CSMD1: variants seen among roughly 807,000 people sequenced by gnomAD.
CSMD1 encodes the protein CUB and sushi domain-containing protein 1.
A neutral mutation model predicts 417.5 loss-of-function variants in CSMD1; 213 were observed. The observed-to-expected ratio is 0.51, with a 90% CI of 0.46 to 0.57. The LOEUF is 0.57. Among genes scored for constraint, CSMD1 ranks in the 20% least tolerant of loss-of-function variants. The pLI, the probability that CSMD1 is intolerant of heterozygous loss-of-function variation, is 0.00. For synonymous variants in CSMD1, 2,862 were observed against 1,736.8 expected, an observed-to-expected ratio of 1.65 and a Z score of -16.11; for missense variants, 6,923 against 4,529.7, an observed-to-expected ratio of 1.53 and a Z score of -15.17.
intron 3 of CSMD1, among the ~76,000 whole-genome samples, chr8:4,345,311 A>G (rs1800718410): frequency 6.6e-6 from 1 of 152,176 alleles, no homozygotes; most frequent in Non-Finnish European, 1.5e-5. Flanking sequence ...ACACCCTAGA[A>G]GGTAACATAT....
At chr8:4,499,725 G>A (rs1236648863) in intron 2 of CSMD1, among the ~76,000 whole-genome samples, 1 of 152,182 alleles carries the variant, frequency 6.6e-6, no homozygotes, top group Non-Finnish European at 1.5e-5. Flanking sequence ...AAGTTGATAT[G>A]GGCATTGACA....
intron 7 of CSMD1, among the ~76,000 whole-genome samples, chr8:3,660,295 G>A (rs1449362255): frequency 6.6e-6 from 1 of 152,016 alleles, no homozygotes; most frequent in Admixed American, 6.6e-5. Flanking sequence ...CCTTATCTGT[G>A]AAGCGGGATG....
chr8:3,590,541 G>T (rs942409628), intron 8 of CSMD1, among the ~76,000 whole-genome samples: 1 of 152,096 alleles, frequency 6.6e-6, no homozygotes, highest in African/African-American at 2.4e-5. Flanking sequence ...AAATCTCTGC[G>T]CACATTCATA....
rs946213126 is a variant in CSMD1 at position 3,115,201 on chromosome 8, C to T, written c.6430+3198G>A. On this transcript the variant is annotated intron_variant, in intron 42 of 69. Transcript: ENST00000635120. The stretch of plus-strand genomic sequence containing the variant: ...ATATTTTAACAATTACAATCCCCCC[C>T]CCCCCTTTTTTTTTTTTGAGATGGA... 6.4e-5 allele frequency among the ~76,000 whole-genome samples: 9 copies of T among 140,838 alleles called. 1 individual carries two copies. Among genetic ancestry groups the T allele is most frequent in the African/African-American group, 1.3e-4 (5 of 39,766 alleles). The allele number at this position is 140,838 out of a possible 152,430, so 92.4% of individuals were successfully genotyped here.
chr8:3,926,075 A>ATACACACACACACACACACACAC (rs1809664003), intron 5 of CSMD1, among the ~76,000 whole-genome samples: 1 of 24,212 alleles, frequency 4.1e-5, no homozygotes, highest in Non-Finnish European at 8.2e-5. Context: ...CACACACACA[A>ATACACACACACACACACACACAC]ACACCATACA....
At chr8:4,561,522 A>C (rs1334141037) in intron 2 of CSMD1, among the ~76,000 whole-genome samples, 1 of 152,110 alleles carries the variant, frequency 6.6e-6, no homozygotes, top group Non-Finnish European at 1.5e-5. Flanking sequence ...GTCTCTACCA[A>C]AACAGAAAAA....
intron 3 of CSMD1, among the ~76,000 whole-genome samples, chr8:4,287,702 G>A (rs1797140165): frequency 7.5e-6 from 1 of 133,108 alleles, no homozygotes; most frequent in Admixed American, 7.7e-5. Flanking sequence ...CTTTGTAAGT[G>A]TATGAAAGAG....
chr8:3,417,289 A>T (rs192261772), intron 12 of CSMD1, among the ~76,000 whole-genome samples: 29 of 152,344 alleles, frequency 1.9e-4, no homozygotes, highest in Admixed American at 3.3e-4. Context: ...TTCTGCAGAA[A>T]ACACTCTGCT....
At chr8:4,252,216 A>C (rs1329151982) in intron 3 of CSMD1, among the ~76,000 whole-genome samples, 2 of 152,156 alleles carry the variant, frequency 1.3e-5, no homozygotes, top group African/African-American at 4.8e-5. Flanking sequence ...GACAAAGGTA[A>C]ACAGGCATAG....
At chr8:3,810,790 C>T (rs996212450) in intron 5 of CSMD1, among the ~76,000 whole-genome samples, 20 of 152,104 alleles carry the variant, frequency 1.3e-4, no homozygotes, top group African/African-American at 4.8e-4. Flanking sequence ...CTGGGTCCGG[C>T]ACATCATCAG....
intron 3 of CSMD1, among the ~76,000 whole-genome samples, chr8:4,110,893 C>T (rs115250179): frequency 5.7e-4 from 87 of 151,982 alleles, no homozygotes; most frequent in African/African-American, 2.0e-3. Flanking sequence ...TTTCTTATGT[C>T]AAAAGACATA....
intron 3 of CSMD1, among the ~76,000 whole-genome samples, chr8:4,052,703 TTAA>T (rs1798495362): frequency 6.6e-6 from 1 of 152,154 alleles, no homozygotes; most frequent in Non-Finnish European, 1.5e-5. Flanking sequence ...ATATTTGCTA[TTAA>T]TGTTATAAAT....
At chr8:3,931,454 T>C (rs1008246001) in intron 5 of CSMD1, among the ~76,000 whole-genome samples, 2 of 150,372 alleles carry the variant, frequency 1.3e-5, no homozygotes, top group Non-Finnish European at 3.0e-5. Context: ...CTTTTAAACC[T>C]CCTGACAATT....
chr8:4,511,383 A>G (rs1242357285), intron 2 of CSMD1, among the ~76,000 whole-genome samples: 1 of 152,182 alleles, frequency 6.6e-6, no homozygotes, highest in Non-Finnish European at 1.5e-5. Context: ...GAGAATACAA[A>G]TCAGGATTCT....
intron 8 of CSMD1, among the ~76,000 whole-genome samples, chr8:3,603,564 G>C (rs960272262): frequency 1.3e-5 from 2 of 152,104 alleles, no homozygotes; most frequent in African/African-American, 2.4e-5. Context: ...GATCATGTTT[G>C]AGTTTCAAAA....
intron 2 of CSMD1, among the ~76,000 whole-genome samples, chr8:4,563,353 A>G (rs986501673): frequency 5.3e-5 from 8 of 152,190 alleles, no homozygotes; most frequent in African/African-American, 1.7e-4. Flanking sequence ...GTGAGCTCAG[A>G]TCGTGCCGCT....
At chr8:3,159,814 T>C (rs1030482180) in intron 38 of CSMD1, among the ~76,000 whole-genome samples, 1 of 152,176 alleles carries the variant, frequency 6.6e-6, no homozygotes, top group Non-Finnish European at 1.5e-5. Flanking sequence ...TATTCAATAA[T>C]CCATTATAAG....
At chr8:3,284,883 A>T (rs1803030237) in intron 25 of CSMD1, among the ~76,000 whole-genome samples, 1 of 152,192 alleles carries the variant, frequency 6.6e-6, no homozygotes, top group Non-Finnish European at 1.5e-5. Flanking sequence ...TTAAAACTTC[A>T]TCATTTAAAA....
chr8:4,443,463 G>T (rs1023006363), intron 2 of CSMD1, among the ~76,000 whole-genome samples: 2 of 152,140 alleles, frequency 1.3e-5, no homozygotes, highest in African/African-American at 2.4e-5. Flanking sequence ...ATGCAATCAA[G>T]ATTTATCTTT....
Sources: allele counts gnomAD v4.1 joint callset (sites outside exome capture counted in the v4.1 genomes callset), GRCh38; gene constraint gnomAD v4.1.1; transcripts MANE v1.5; gene names NCBI Gene and HGNC (gene_info 2026-07-23, HGNC 2026-07-21).